The following RSPH9 variants were observed in gnomAD, a reference collection of about 807,000 sequenced individuals.
RSPH9 encodes radial spoke head protein 9 homolog.
RSPH9 carries 27 observed loss-of-function variants against 27.0 expected under a neutral mutation model. That is an observed-to-expected ratio of 1.00 (90% CI 0.74 to 1.38). The LOEUF (loss-of-function observed/expected upper bound fraction) is 1.38, where lower values mean the gene tolerates loss of function less well. RSPH9 is among the 40% of genes most tolerant of loss of function. The pLI, the probability that RSPH9 is intolerant of heterozygous loss-of-function variation, is 0.00. For synonymous variants in RSPH9, 145 were observed against 147.7 expected (o/e 0.98, Z 0.13); for missense variants, 347 against 357.4 (o/e 0.97, Z 0.24).
rs368648954 is a variant in RSPH9 at position 43,659,071 on chromosome 6, C to T, written c.670+2348C>T. ...TAGGAGTGGCTTCCGTCTTAAGAAA[C>T]CACTTTCTTTGCTCATCTGTAAGAA... On this transcript the variant is annotated intron_variant, in intron 4 of 4. Transcript: ENST00000372163. Among the ~76,000 whole-genome samples, 7 of 152,312 alleles carry T rather than the reference C, an allele frequency of 4.6e-5. No homozygotes were observed. In the East Asian group the frequency reaches 1.3e-3, roughly 29 times the overall value.
chr6:43,663,736 A>G (rs1367366735), intron 4 of RSPH9, among the ~76,000 whole-genome samples: 4 of 151,848 alleles, frequency 2.6e-5, no homozygotes, highest in Non-Finnish European at 5.9e-5. Context: ...TAATAATAAT[A>G]ACAAAAAAAA....
chr6:43,664,796 A>T (rs975983606), intron 4 of RSPH9, among the ~76,000 whole-genome samples: 1 of 152,190 alleles, frequency 6.6e-6, no homozygotes, highest in African/African-American at 2.4e-5. Context: ...CCCATCAGAC[A>T]TACTTCTCAG....
intron 1 of RSPH9, 36 bp downstream of exon 1, chr6:43,645,361 G>T: frequency 7.1e-7 from 1 of 1,417,238 alleles, no homozygotes; most frequent in Non-Finnish European, 9.9e-7. Context: ...CCCAGAGGGT[G>T]GCTACCTGGA....
Position 43,671,798 on chromosome 6 carries a change from G to C in RSPH9, c.*849G>C, listed in dbSNP as rs1489520757. On this transcript the variant is annotated 3_prime_UTR_variant, in exon 5 of 5. Transcript: ENST00000372163. ...GCTTCCAAGGTGTTCTTGAGTAGCA[G>C]ACATTGTCCCTCAGAAGGGGTGACC... The C allele has an allele frequency of 6.2e-7, 1 of 1,614,228 alleles. No homozygotes were observed. Among genetic ancestry groups the C allele is most frequent in the Non-Finnish European group, 8.5e-7 (1 of 1,180,034 alleles).
At chr6:43,650,799 G>A (rs1054110073) in intron 2 of RSPH9, among the ~76,000 whole-genome samples, 2 of 151,862 alleles carry the variant, frequency 1.3e-5, no homozygotes, top group East Asian at 1.9e-4. Flanking sequence ...CCAGCTACTC[G>A]GGAGGCTGAG....
chr6:43,646,993 G>A (rs1387550112), intron 1 of RSPH9, among the ~76,000 whole-genome samples: 1 of 151,690 alleles, frequency 6.6e-6, no homozygotes, highest in East Asian at 1.9e-4. Context: ...AAATTTGCAG[G>A]GCATGGTGGT....
At chr6:43,652,198 C>T (rs55685191) in intron 2 of RSPH9, among the ~76,000 whole-genome samples, 1 of 149,512 alleles carries the variant, frequency 6.7e-6, no homozygotes, top group South Asian at 2.1e-4. Flanking sequence ...CCCAGCTACT[C>T]GGGAGGCTGA....
intron 4 of RSPH9, among the ~76,000 whole-genome samples, chr6:43,659,693 A>G (rs915600843): frequency 2.7e-5 from 4 of 147,156 alleles, no homozygotes; most frequent in African/African-American, 7.6e-5. Context: ...ATGTTCGGCT[A>G]ATTTTTGTAT....
chr6:43,656,067 T>G (rs1211181944), intron 3 of RSPH9, among the ~76,000 whole-genome samples: 3 of 135,312 alleles, frequency 2.2e-5, no homozygotes, highest in Non-Finnish European at 4.7e-5. Context: ...CTTCTTTCCC[T>G]CCTTCCCTCC....
rs1441519301 is a variant in RSPH9 at position 43,670,772 on chromosome 6, T to C, written c.671-17T>C. On this transcript the variant is annotated splice_polypyrimidine_tract_variant and intron_variant, in intron 4 of 4. Transcript: ENST00000372163. ...TCCAGCAGCACCAGGCCTCACCTCC[T>C]GCCTGTCTTATCTCAGGGTCCTGGA... is the stretch of plus-strand genomic sequence containing the variant. 1 of 1,612,802 alleles carries C rather than the reference T, an allele frequency of 6.2e-7. No individual in the cohort carries two copies. The highest frequency in any genetic ancestry group is 8.5e-7 in the Non-Finnish European group (1 of 1,178,946).
chr6:43,646,582 C>T (rs1015217116), intron 1 of RSPH9, among the ~76,000 whole-genome samples: 56 of 148,352 alleles, frequency 3.8e-4, no homozygotes, highest in African/African-American at 1.4e-3. Flanking sequence ...CGGCCAGCCT[C>T]TTTTTGACTA....
chr6:43,664,226 G>T (rs55943534), intron 4 of RSPH9, among the ~76,000 whole-genome samples: 28,113 of 151,316 alleles, frequency 0.19, 5,910 homozygotes, highest in African/African-American at 0.52. Context: ...TGATGATGAT[G>T]ATTATTTTGA....
At chr6:43,660,284 G>A (rs937951446) in intron 4 of RSPH9, among the ~76,000 whole-genome samples, 3 of 151,788 alleles carry the variant, frequency 2.0e-5, no homozygotes, top group African/African-American at 7.3e-5. Context: ...CAAGTGATCT[G>A]CCCACCTCAG....
At chr6:43,670,699 G>A in intron 4 of RSPH9, 90 bp from the exon 5 acceptor site, 1 of 1,166,140 alleles carries the variant, frequency 8.6e-7, no homozygotes, top group East Asian at 2.4e-5. Flanking sequence ...ACCTGGGCCT[G>A]GCTGCCCAAG....
intron 1 of RSPH9, among the ~76,000 whole-genome samples, chr6:43,649,592 C>G (rs796609722): frequency 1.3e-5 from 2 of 152,046 alleles, no homozygotes; most frequent in African/African-American, 4.8e-5. Flanking sequence ...TGGGAAGGAC[C>G]TCCTCTCCCA....
intron 4 of RSPH9, among the ~76,000 whole-genome samples, chr6:43,668,648 A>G (rs1178394057): frequency 6.6e-6 from 1 of 152,176 alleles, no homozygotes; most frequent in Non-Finnish European, 1.5e-5. Flanking sequence ...GGCAGGACCA[A>G]GCCCTTGCCC....
chr6:43,648,479 T>C (rs1771119310), intron 1 of RSPH9, among the ~76,000 whole-genome samples: 1 of 152,084 alleles, frequency 6.6e-6, no homozygotes, highest in Non-Finnish European at 1.5e-5. Context: ...TGGAGACTAG[T>C]GTGGCTAGAG....
rs1470040084 is a variant in RSPH9, at chr6:43,645,153, G to T, written c.55G>T (p.Gly19Cys). Residue 19 changes from glycine to cysteine, a missense_variant, in exon 1 of 5, where the codon GGC becomes TGC. By Grantham distance (159) the Gly-to-Cys change is radical (BLOSUM62 -3). Transcript: ENST00000372163. ...GGAGCTGGCGTCCGGCAGTGGGCAGGGCCTCAGCCCGGACCGTCGGGCCTC... is the reference window on the plus strand; with the variant it reads ...GGAGCTGGCGTCCGGCAGTGGGCAGTGCCTCAGCCCGGACCGTCGGGCCTC... ...SLELASGSGQ[G>C]LSPDRRASLL... 4 of 1,613,394 alleles carry T rather than the reference G, an allele frequency of 2.5e-6. No homozygotes were observed. Among genetic ancestry groups the T allele is most frequent in the African/African-American group, 2.7e-5 (2 of 74,948 alleles).
chr6:43,659,387 T>C (rs1396913569), intron 4 of RSPH9, among the ~76,000 whole-genome samples: 2 of 134,832 alleles, frequency 1.5e-5, no homozygotes, highest in Non-Finnish European at 1.7e-5. Context: ...CATGCCCGGC[T>C]TTTTTTTTTT....
Sources: allele counts gnomAD v4.1 joint callset (sites outside exome capture counted in the v4.1 genomes callset), GRCh38; gene constraint gnomAD v4.1.1; transcripts MANE v1.5; gene names NCBI Gene and HGNC (gene_info 2026-07-23, HGNC 2026-07-21).